SH3D19: variants seen among roughly 807,000 people sequenced by gnomAD.
The protein encoded by SH3D19 is SH3 domain-containing protein 19.
A neutral mutation model predicts 112.1 loss-of-function variants in SH3D19; 58 were observed. That is an observed-to-expected ratio of 0.52 (90% confidence interval 0.42 to 0.64). The LOEUF is 0.64. SH3D19 is among the 30% of genes least tolerant of loss of function. The pLI, the probability that SH3D19 is intolerant of heterozygous loss-of-function variation, is 0.00. For synonymous variants in SH3D19, 391 were observed against 448.5 expected (o/e 0.87, Z 1.62); for missense variants, 1,090 against 1,263.4 (o/e 0.86, Z 2.08).
At chr4:151,163,771 C>CG (rs1459013999) in intron 8 of SH3D19, among the ~76,000 whole-genome samples, 1 of 151,624 alleles carries the variant, frequency 6.6e-6, no homozygotes, top group African/African-American at 2.4e-5. Context: ...TTGATAGAGA[C>CG]GGGGTTTCAC....
At chr4:151,316,582 T>A (rs1057469751) in intron 1 of SH3D19, among the ~76,000 whole-genome samples, 11 of 151,768 alleles carry the variant, frequency 7.2e-5, no homozygotes, top group Admixed American at 1.3e-4. Context: ...TTAATTTTTT[T>A]ATTTTTTTCT....
At chr4:151,148,630 T>C (rs1421074343) in intron 10 of SH3D19, among the ~76,000 whole-genome samples, 2 of 152,220 alleles carry the variant, frequency 1.3e-5, no homozygotes, top group Non-Finnish European at 2.9e-5. Context: ...AATCCCCTAA[T>C]ATTCATGTTA....
At chr4:151,213,155 TAAACATTGTTG>T (rs1211182512) in intron 2 of SH3D19, among the ~76,000 whole-genome samples, 1 of 152,250 alleles carries the variant, frequency 6.6e-6, no homozygotes, top group African/African-American at 2.4e-5. Context: ...GAAGATGCTG[TAAACATTGTTG>T]AAACGACAAC....
chr4:151,158,749 T>TC (rs1220220550), intron 9 of SH3D19, among the ~76,000 whole-genome samples: 103 of 152,004 alleles, frequency 6.8e-4, no homozygotes, highest in African/African-American at 2.2e-3. Flanking sequence ...TATATGTACT[T>TC]TAAAAAATCT....
At chr4:151,227,813 T>C (rs772511288) in intron 1 of SH3D19, 5 of 985,500 alleles carry the variant, frequency 5.1e-6, no homozygotes, top group Non-Finnish European at 6.0e-6. Flanking sequence ...CCTGTGGCTG[T>C]GATCCTAGTT....
At chr4:151,310,583 T>TAA (rs951546770) in intron 1 of SH3D19, among the ~76,000 whole-genome samples, 2 of 151,060 alleles carry the variant, frequency 1.3e-5, no homozygotes, top group African/African-American at 4.9e-5. Flanking sequence ...TCTCTCTCTT[T>TAA]TTTTTTTTTT....
chr4:151,142,822 A>G (rs1251430155), intron 12 of SH3D19, among the ~76,000 whole-genome samples: 10 of 152,242 alleles, frequency 6.6e-5, no homozygotes, highest in Admixed American at 6.5e-4. Context: ...ACCCAGAAGC[A>G]TAAAGGAGGA....
intron 2 of SH3D19, among the ~76,000 whole-genome samples, chr4:151,224,075 C>T (rs1229156000): frequency 3.9e-5 from 6 of 152,024 alleles, no homozygotes; most frequent in African/African-American, 1.2e-4. Context: ...CTTGGGAGGC[C>T]GAGGCAGGTG....
At chr4:151,254,843 T>A (rs988062874) in intron 1 of SH3D19, among the ~76,000 whole-genome samples, 2 of 151,750 alleles carry the variant, frequency 1.3e-5, no homozygotes, top group African/African-American at 4.8e-5. Flanking sequence ...TGGGCACACC[T>A]CCCAGACGGG....
chr4:151,163,443 T>TA (rs1338444024), intron 8 of SH3D19, among the ~76,000 whole-genome samples: 1 of 152,214 alleles, frequency 6.6e-6, no homozygotes, highest in Non-Finnish European at 1.5e-5. Flanking sequence ...TATTATATGT[T>TA]ACTATACTTG....
At chr4:151,299,765 T>C (rs1221005975) in intron 1 of SH3D19, among the ~76,000 whole-genome samples, 1 of 152,134 alleles carries the variant, frequency 6.6e-6, no homozygotes, top group Non-Finnish European at 1.5e-5. Flanking sequence ...CACTTGTGTC[T>C]CACATTCTTT....
At position 151,154,919 on chromosome 4, in the gene SH3D19, G is replaced by A. The variant is rs149296270; in HGVS notation, c.1755+4321C>T. Among the ~76,000 whole-genome samples the A allele has an allele frequency of 1.8e-4, 28 of 151,908 alleles. No individual in the cohort carries two copies. In the East Asian group the frequency reaches 4.5e-3, roughly 24 times the overall value. On this transcript the variant is annotated intron_variant, in intron 9 of 19. Transcript: ENST00000604030. ...ATTACAGGCACGCATCACCATGCCTGGCTAATTTTTGTATTTTTAGCACAG... is the reference window on the plus strand; with the variant it reads ...ATTACAGGCACGCATCACCATGCCTAGCTAATTTTTGTATTTTTAGCACAG...
chr4:151,146,958 G>A (rs993216097), intron 11 of SH3D19, among the ~76,000 whole-genome samples: 1 of 152,022 alleles, frequency 6.6e-6, no homozygotes, highest in Non-Finnish European at 1.5e-5. Flanking sequence ...CTATTAAATG[G>A]ACCACGATAA....
intron 7 of SH3D19, among the ~76,000 whole-genome samples, chr4:151,169,420 C>T (rs1758667943): frequency 6.6e-6 from 1 of 152,140 alleles, no homozygotes. Flanking sequence ...GTGAGCTCTG[C>T]ATCTGCCTCT....
intron 1 of SH3D19, among the ~76,000 whole-genome samples, chr4:151,286,050 G>C (rs1310930573): frequency 6.7e-6 from 1 of 148,560 alleles, no homozygotes; most frequent in Non-Finnish European, 1.5e-5. Flanking sequence ...AAAAAAATCA[G>C]CCAGGCATGG....
rs1456798407 is a variant in SH3D19, at chr4:151,265,560, A to ATTTCT, written c.113-39479_113-39475dup. On this transcript the variant is annotated intron_variant, in intron 1 of 19. Transcript: ENST00000604030. ...ATCAATTAATCCTTATATTTATTTTATTTCTTTTCTTTTTTTTTTTTTTTT... is the reference window on the plus strand; with the variant it reads ...ATCAATTAATCCTTATATTTATTTTATTTCTTTTCTTTTCTTTTTTTTTTTTTTTT... 6.2e-3 allele frequency among the ~76,000 whole-genome samples: 752 copies of ATTTCT among 122,066 alleles called. 107 individuals carry two copies. Among genetic ancestry groups the ATTTCT allele is most frequent in the Middle Eastern group, 0.018 (4 of 222 alleles). The allele number at this position is 122,066 out of a possible 152,430, so 80.1% of individuals were successfully genotyped here. A position where few individuals can be genotyped will look rare whatever the true frequency, so the allele number is the denominator to read the frequency against.
chr4:151,175,413 C>T lies in SH3D19; in HGVS notation c.791G>A (p.Arg264Gln), dbSNP rs777228179. The change falls in exon 7 of 20, where the codon CGG (arginine) becomes CAG (glutamine). Residue 264 changes from arginine to glutamine, a missense_variant. Coordinates refer to ENST00000604030, the MANE Select transcript of SH3D19 (RefSeq NM_001378122.1). ...AAVGEESSPG[R>Q]PQSLLDNAST... ...AGCGTTGTCCAGCAGAGACTGGGGC[C>T]GGCCTGGGGATGACTCCTCTCCTAC... The T allele has an allele frequency of 1.4e-4, 210 of 1,543,968 alleles. No homozygotes were observed. Among genetic ancestry groups the T allele is most frequent in the Middle Eastern group, 3.5e-4 (2 of 5,684 alleles).
chr4:151,152,518 T>C (rs912781762), intron 9 of SH3D19, among the ~76,000 whole-genome samples: 350 of 145,208 alleles, frequency 2.4e-3, no homozygotes, highest in Non-Finnish European at 3.8e-3. Context: ...CTCTCTCTCT[T>C]TTTTTTTTTT....
intron 1 of SH3D19, chr4:151,283,129 A>G (rs1774407161): frequency 5.6e-6 from 9 of 1,613,646 alleles, no homozygotes; most frequent in Non-Finnish European, 7.6e-6. Context: ...AGAGATTACC[A>G]TTCTGCCCTT....
Sources: allele counts gnomAD v4.1 joint callset (sites outside exome capture counted in the v4.1 genomes callset), GRCh38; gene constraint gnomAD v4.1.1; transcripts MANE v1.5; gene names NCBI Gene and HGNC (gene_info 2026-07-23, HGNC 2026-07-21).